The following SRCIN1 variants were observed in gnomAD, a reference collection of about 807,000 sequenced individuals.
SRCIN1 encodes the protein P130Cas-associated protein.
SRCIN1 carries 50 observed loss-of-function variants against 116.2 expected under a neutral mutation model. That is an observed-to-expected ratio of 0.43 (90% confidence interval 0.34 to 0.54). The LOEUF (loss-of-function observed/expected upper bound fraction) is 0.54, where lower values mean the gene tolerates loss of function less well. Ranked by LOEUF, SRCIN1 falls within the 20% of genes least tolerant of loss-of-function variation. SRCIN1 has a pLI of 0.02. For synonymous variants in SRCIN1, 736 were observed against 750.0 expected (o/e 0.98, Z 0.30); for missense variants, 1,446 against 1,672.0 (o/e 0.86, Z 2.36).
intron 1 of SRCIN1, among the ~76,000 whole-genome samples, chr17:38,592,268 G>A (rs2143411732): frequency 6.6e-6 from 1 of 152,322 alleles, no homozygotes; most frequent in Middle Eastern, 3.4e-3. Context: ...CCATCCCCAG[G>A]CTGCTGGGAT....
chr17:38,560,286 T>C (rs939800533), intron 8 of SRCIN1, 47 bp downstream of exon 8: 1 of 1,556,540 alleles, frequency 6.4e-7, no homozygotes, highest in African/African-American at 1.4e-5. Flanking sequence ...CCCTTCCTCC[T>C]GCTCCACCCC....
At chr17:38,575,826 C>T (rs1259967570) in intron 2 of SRCIN1, among the ~76,000 whole-genome samples, 1 of 152,188 alleles carries the variant, frequency 6.6e-6, no homozygotes, top group Non-Finnish European at 1.5e-5. Context: ...ACCTGTTTCC[C>T]GTGGCCTTCT....
At chr17:38,548,305 G>A (rs539777087) in intron 17 of SRCIN1, among the ~76,000 whole-genome samples, 1 of 152,266 alleles carries the variant, frequency 6.6e-6, no homozygotes, top group South Asian at 2.1e-4. Flanking sequence ...AGGAGGTCTG[G>A]GGATACTTGG....
chr17:38,562,988 A>G lies in SRCIN1; in HGVS notation c.741-68T>C. 7.6e-7 allele frequency: 1 copy of G among 1,320,142 alleles called. No individual in the cohort carries two copies. The highest frequency in any genetic ancestry group is 1.1e-6 in the Non-Finnish European group (1 of 930,792). 81.8% of individuals were successfully genotyped at this position (1,320,142 alleles called of 1,614,324 possible). ...CTGTGCACAATGAGAAGGGATGGCT[A>G]CTCCAGGCCTAGAGAAGAGGGGTGG... On this transcript the variant is annotated intron_variant, in intron 5 of 18. Coordinates refer to ENST00000617146, the MANE Select transcript of SRCIN1 (RefSeq NM_025248.3). This position sits in a 1 kb window ranked among gnomAD's most constrained non-coding sequence, Gnocchi z 4.2.
rs2040930697 is a variant in SRCIN1, at chr17:38,532,089, G to A, written c.*1208C>T. ...CAACCGCCTCTGCAGGGCAGGCAGG[G>A]CGTCCACAGGCCAGGGGCGCTGGCT... On this transcript the variant is annotated 3_prime_UTR_variant, in exon 19 of 19. Transcript: ENST00000617146. The surrounding 1 kb of genome is among the most constrained non-coding windows in gnomAD (Gnocchi z 4.3). 1 of 152,298 alleles carries A rather than the reference G, an allele frequency of 6.6e-6. No individual in the cohort carries two copies. Among genetic ancestry groups the A allele is most frequent in the South Asian group, 2.1e-4 (1 of 4,832 alleles). 9.4% of individuals were successfully genotyped at this position (152,298 alleles called of 1,614,324 possible).
At chr17:38,575,547 C>A (rs1243276834) in intron 2 of SRCIN1, among the ~76,000 whole-genome samples, 2 of 152,192 alleles carry the variant, frequency 1.3e-5, no homozygotes, top group Non-Finnish European at 2.9e-5. Context: ...CTGCGCCCGG[C>A]CTCATATCCA....
At position 38,535,147 on chromosome 17, in the gene SRCIN1, G is replaced by A. The variant is rs117461027; in HGVS notation, c.3418-1716C>T. Among the ~76,000 whole-genome samples the A allele has an allele frequency of 2.7e-3, 398 of 147,890 alleles. 1 individual carries two copies. The highest frequency in any genetic ancestry group is 0.026 in the East Asian group (131 of 5,062). Reference sequence around the variant, plus strand: ...GCCCTGTTTTTTTGTTTGTTTGTTTGTTTTGTTATTTATTTATTTAAGTTA... The same window carrying A: ...GCCCTGTTTTTTTGTTTGTTTGTTTATTTTGTTATTTATTTATTTAAGTTA... On this transcript the variant is annotated intron_variant, in intron 18 of 18. Coordinates refer to ENST00000617146, the MANE Select transcript of SRCIN1 (RefSeq NM_025248.3).
chr17:38,562,377 CCCCTGTCCCTTGCTTGAGGAG>C lies in SRCIN1; in HGVS notation c.835-70_835-50del. ...CCCACGGGGCTGGTCACCAAGGACA[CCCCTGTCCCTTGCTTGAGGAG>C]CCAGCATCTCCTCCCTGACGCTTAG... On this transcript the variant is annotated intron_variant, in intron 6 of 18. Transcript: ENST00000617146. This position sits in a 1 kb window ranked among gnomAD's most constrained non-coding sequence, Gnocchi z 4.2. The C allele has an allele frequency of 7.2e-7, 1 of 1,394,926 alleles. No individual in the cohort carries two copies. Among genetic ancestry groups the C allele is most frequent in the Admixed American group, 3.5e-5 (1 of 28,692 alleles). The allele number at this position is 1,394,926 out of a possible 1,614,324, so 86.4% of individuals were successfully genotyped here. A position where few individuals can be genotyped will look rare whatever the true frequency, so the allele number is the denominator to read the frequency against.
intron 11 of SRCIN1, among the ~76,000 whole-genome samples, chr17:38,555,438 G>A (rs1905721198): frequency 6.6e-6 from 1 of 152,170 alleles, no homozygotes; most frequent in Non-Finnish European, 1.5e-5. Context: ...TGACTGCATG[G>A]AGAAGAGCCA....
chr17:38,548,790 G>A, intron 16 of SRCIN1, 81 bp from the exon 17 acceptor site: 1 of 1,448,156 alleles, frequency 6.9e-7, no homozygotes, highest in African/African-American at 1.4e-5. Flanking sequence ...CATCGCCCAT[G>A]TACCCCAGCT....
rs1156937402 is a variant in SRCIN1 at position 38,564,301 on chromosome 17, G to A, written c.358C>T (p.Arg120Cys). 9 of 1,559,416 alleles carry A rather than the reference G, an allele frequency of 5.8e-6. No homozygotes were observed. The highest frequency in any genetic ancestry group is 1.2e-5 in the South Asian group (1 of 85,196). ...CCGGGCTGGGCTCCCTGAGTGTGGC[G>A]TGAGCTGCGGGTCTGCAGGGGCCGG... ...NYWSFKTRSS[R>C]HTQGAQPGLA... The change falls in exon 4 of 19, where the codon CGC (arginine) becomes TGC (cysteine). Residue 120 changes from arginine (R) to cysteine (C), a missense_variant. Transcript: ENST00000617146.
intron 1 of SRCIN1, among the ~76,000 whole-genome samples, chr17:38,589,953 C>T (rs1353648151): frequency 6.6e-6 from 1 of 152,206 alleles, no homozygotes; most frequent in Non-Finnish European, 1.5e-5. Context: ...TCGGCTTGGC[C>T]TCTGGGTCAG....
At chr17:38,601,638 G>GCT (rs1555613401) in intron 1 of SRCIN1, among the ~76,000 whole-genome samples, 2 of 137,664 alleles carry the variant, frequency 1.5e-5, no homozygotes, top group Admixed American at 7.2e-5. Context: ...ACACACACAC[G>GCT]CACACACACA....
At position 38,552,486 on chromosome 17, in the gene SRCIN1, C is replaced by T; in HGVS notation, c.2441G>A (p.Arg814His). 6 of 1,603,840 alleles carry T rather than the reference C, an allele frequency of 3.7e-6. No homozygotes were observed. The highest frequency in any genetic ancestry group is 3.4e-6 in the Non-Finnish European group (4 of 1,175,540). Residue 814 changes from arginine (R) to histidine (H), a missense_variant, in exon 13 of 19, where the codon CGC becomes CAC. Arg to His is a conservative substitution (Grantham distance 29, BLOSUM62 0). Around this residue, in one of 5 missense-constraint regions of SRCIN1, gnomAD observed 531 missense variants for 633.9 expected, o/e 0.84. Coordinates refer to ENST00000617146, the MANE Select transcript of SRCIN1 (RefSeq NM_025248.3). The surrounding 1 kb of genome is among the most constrained non-coding windows in gnomAD (Gnocchi z 5.3). ...EPQRLDGLLK[R>H]CRGVTDTLAQ... Reference sequence around the variant, plus strand: ...CAGCGTGTCCGTGACCCCGCGGCAGCGCTTGAGGAGCCCATCCAGGCGCTG... The same window carrying T: ...CAGCGTGTCCGTGACCCCGCGGCAGTGCTTGAGGAGCCCATCCAGGCGCTG...
rs959903629 is a variant in SRCIN1, at chr17:38,562,642, C to A, written c.834+185G>T. On this transcript the variant is annotated intron_variant, in intron 6 of 18. Coordinates refer to ENST00000617146, the MANE Select transcript of SRCIN1 (RefSeq NM_025248.3). The surrounding 1 kb of genome is among the most constrained non-coding windows in gnomAD (Gnocchi z 4.2). ...ATCTGGAGGCAAGTTAGCAAAATCC[C>A]GAGTGGACAGGCCCGGAATGGAGGG... Among the ~76,000 whole-genome samples, 1 of 152,208 alleles carries A rather than the reference C, an allele frequency of 6.6e-6. No homozygotes were observed. Among genetic ancestry groups the A allele is most frequent in the Non-Finnish European group, 1.5e-5 (1 of 68,028 alleles).
rs1020223105 is a variant in SRCIN1, at chr17:38,602,956, C to T, written c.22+2728G>A. Among the ~76,000 whole-genome samples, 11 of 150,986 alleles carry T rather than the reference C, an allele frequency of 7.3e-5. No individual in the cohort carries two copies. In the East Asian group the frequency reaches 2.0e-3, roughly 28 times the overall value. ...CTAACCTGGGGTGGGGGTGGGGGCTCAACAAACTGGGTACTTCAAAGAGCC... is the reference window on the plus strand; with the variant it reads ...CTAACCTGGGGTGGGGGTGGGGGCTTAACAAACTGGGTACTTCAAAGAGCC... On this transcript the variant is annotated intron_variant, in intron 1 of 18. Transcript: ENST00000617146. This position sits in a 1 kb window ranked among gnomAD's most constrained non-coding sequence, Gnocchi z 4.2.
At chr17:38,598,915 A>C (rs371718544) in intron 1 of SRCIN1, among the ~76,000 whole-genome samples, 17 of 152,262 alleles carry the variant, frequency 1.1e-4, no homozygotes, top group African/African-American at 4.1e-4. Context: ...TCCCTTCTCC[A>C]TCCCCTGGGC....
rs566544329 is a variant in SRCIN1, at chr17:38,572,143, C to A, written c.325-3912G>T. ...AGGGAGGGCAACCCACGGGTCCACA[C>A]CGGCTCCTTAATCCCCTGGCTGTGC... is the stretch of plus-strand genomic sequence containing the variant. On this transcript the variant is annotated intron_variant, in intron 2 of 18. Transcript: ENST00000617146. This position sits in a 1 kb window ranked among gnomAD's most constrained non-coding sequence, Gnocchi z 4.3. 2.0e-5 allele frequency among the ~76,000 whole-genome samples: 3 copies of A among 152,336 alleles called. No individual in the cohort carries two copies. The highest frequency in any genetic ancestry group is 2.0e-4 in the Admixed American group (3 of 15,304).
In SRCIN1 at chr17:38,568,203, A is replaced by T. The variant is rs1187055433; in HGVS notation, c.345+8T>A. ...GTTGTCATGGGAGCAGAGGCATCAC[A>T]CACTGACCTTGAAACTCCAGTAGTT... On this transcript the variant is annotated splice_region_variant and intron_variant, in intron 3 of 18. Coordinates refer to ENST00000617146, the MANE Select transcript of SRCIN1 (RefSeq NM_025248.3). This position sits in a 1 kb window ranked among gnomAD's most constrained non-coding sequence, Gnocchi z 4.5. The T allele has an allele frequency of 1.1e-5, 18 of 1,613,144 alleles. No homozygotes were observed. Among genetic ancestry groups the T allele is most frequent in the Non-Finnish European group, 1.3e-5 (15 of 1,179,696 alleles).
Sources: allele counts gnomAD v4.1 joint callset (sites outside exome capture counted in the v4.1 genomes callset), GRCh38; gene constraint gnomAD v4.1.1; regional missense constraint gnomAD v4.1.1; non-coding constraint Gnocchi (gnomAD v3.1); transcripts MANE v1.5; gene names NCBI Gene and HGNC (gene_info 2026-07-23, HGNC 2026-07-21).